FUT8: variants seen among roughly 807,000 people sequenced by gnomAD.
The protein encoded by FUT8 is alpha-(1,6)-fucosyltransferase.
In FUT8, 29 loss-of-function variants were observed where a neutral mutation model predicts 71.3. That is an observed-to-expected ratio of 0.41 (90% CI 0.30 to 0.55). The LOEUF is 0.55. Among genes scored for constraint, FUT8 ranks in the 20% least tolerant of loss-of-function variants. FUT8 has a pLI of 0.34. For synonymous variants in FUT8, 254 were observed against 239.3 expected (o/e 1.06, Z -0.57); for missense variants, 544 against 702.1 (o/e 0.77, Z 2.55).
chr14:65,517,517 C>A (rs1882792591), intron 2 of FUT8, among the ~76,000 whole-genome samples: 1 of 152,118 alleles, frequency 6.6e-6, no homozygotes, highest in Non-Finnish European at 1.5e-5. Flanking sequence ...TGTTTGTTAT[C>A]CTGAGCAGTT....
chr14:65,397,931 T>A, the FUT8 span, among the ~76,000 whole-genome samples: 1 of 152,248 alleles, frequency 6.6e-6, no homozygotes, highest in Admixed American at 6.5e-5. This position sits in a 1 kb window ranked among gnomAD's most constrained non-coding sequence, Gnocchi z 4.2. Flanking sequence ...GGTTTCCTTA[T>A]ATGGCATTTT....
chr14:65,642,417 A>G (rs1890882648), intron 6 of FUT8, among the ~76,000 whole-genome samples: 1 of 152,076 alleles, frequency 6.6e-6, no homozygotes, highest in Non-Finnish European at 1.5e-5. Context: ...AGCCTGGCCA[A>G]CATGGTAAAA....
At chr14:65,613,534 T>C (rs1889118730) in intron 3 of FUT8, among the ~76,000 whole-genome samples, 1 of 152,222 alleles carries the variant, frequency 6.6e-6, no homozygotes, top group Admixed American at 6.5e-5. Context: ...ATTATTCGCT[T>C]TGTGCTTATA....
chr14:65,669,384 A>T lies in FUT8; in HGVS notation c.739A>T (p.Asn247Tyr). Reference sequence around the variant, plus strand: ...GCGAACACTCATCTTGGAATCTCAGAATTGGCGCTATGCTACTGGTGGATG... The same window carrying T: ...GCGAACACTCATCTTGGAATCTCAGTATTGGCGCTATGCTACTGGTGGATG... ...TQRTLILESQ[N>Y]WRYATGGWET... Residue 247 changes from asparagine to tyrosine, a missense_variant, in exon 7 of 11, where the codon AAT becomes TAT. Transcript: ENST00000673929. The surrounding 1 kb of genome is among the most constrained non-coding windows in gnomAD (Gnocchi z 4.5). The T allele has an allele frequency of 6.2e-7, 1 of 1,613,780 alleles. No individual in the cohort carries two copies. The highest frequency in any genetic ancestry group is 8.5e-7 in the Non-Finnish European group (1 of 1,179,848).
intron 2 of FUT8, among the ~76,000 whole-genome samples, chr14:65,525,837 A>T (rs1396844354): frequency 2.0e-5 from 3 of 152,158 alleles, no homozygotes; most frequent in Admixed American, 6.5e-5. Flanking sequence ...GTCATTCAGG[A>T]GCAGGTTGTT....
the FUT8 span, among the ~76,000 whole-genome samples, chr14:65,379,229 C>G: frequency 5.3e-5 from 8 of 152,102 alleles, no homozygotes; most frequent in African/African-American, 1.9e-4. Context: ...TTCAAACATT[C>G]AATAAATATC....
chr14:65,697,109 T>G (rs2140464882), intron 7 of FUT8, among the ~76,000 whole-genome samples: 1 of 152,338 alleles, frequency 6.6e-6, no homozygotes, highest in African/African-American at 2.4e-5. Context: ...TTGTAATGTT[T>G]TTATTGAAAG....
chr14:65,501,943 C>T (rs1454704838), intron 2 of FUT8, among the ~76,000 whole-genome samples: 1 of 151,248 alleles, frequency 6.6e-6, no homozygotes, highest in African/African-American at 2.4e-5. Flanking sequence ...CAGTGTCTTG[C>T]TCTGATGCCC....
chr14:65,554,904 G>C (rs1248265413), intron 2 of FUT8, among the ~76,000 whole-genome samples: 1 of 152,148 alleles, frequency 6.6e-6, no homozygotes, highest in Non-Finnish European at 1.5e-5. Context: ...TTTCTTTGAA[G>C]ATTGTTGAGT....
rs11158606 is a variant in FUT8, at chr14:65,643,432, G to A, written c.597+13826G>A. Reference sequence around the variant, plus strand: ...CACTTTGGGAGGCCGAGGCAGGCGGGTCACGAGGTCAGGAGATCGAGACCA... The same window carrying A: ...CACTTTGGGAGGCCGAGGCAGGCGGATCACGAGGTCAGGAGATCGAGACCA... On this transcript the variant is annotated intron_variant, in intron 6 of 10. Transcript: ENST00000673929. The surrounding 1 kb of genome is among the most constrained non-coding windows in gnomAD (Gnocchi z 4.5). Among the ~76,000 whole-genome samples the A allele has an allele frequency of 0.69, 105,133 of 151,860 alleles. 36,647 individuals carry two copies. Among genetic ancestry groups the A allele is most frequent in the East Asian group, 0.89 (4,578 of 5,166 alleles).
At chr14:65,657,653 A>G (rs1250333329) in intron 6 of FUT8, among the ~76,000 whole-genome samples, 4 of 152,168 alleles carry the variant, frequency 2.6e-5, no homozygotes, top group Admixed American at 2.6e-4. Context: ...GATAGAGACT[A>G]GAATGATGGT....
rs1479537309 is a variant in FUT8, at chr14:65,660,947, C to T, written c.598-8296C>T. 3.3e-5 allele frequency among the ~76,000 whole-genome samples: 5 copies of T among 152,112 alleles called. No homozygotes were observed. The highest frequency in any genetic ancestry group is 5.9e-5 in the Non-Finnish European group (4 of 68,010). On this transcript the variant is annotated intron_variant, in intron 6 of 10. Transcript: ENST00000673929. This position sits in a 1 kb window ranked among gnomAD's most constrained non-coding sequence, Gnocchi z 4.1. ...GCTTTCACTACACTATTAATGAATT[C>T]GTTCTTCATTACCAGCACAAAGCTA...
rs369508512 is a variant in FUT8 at position 65,593,597 on chromosome 14, C to G, written c.204-22381C>G. Among the ~76,000 whole-genome samples the G allele has an allele frequency of 1.3e-4, 19 of 149,308 alleles. 3 individuals carry two copies. The highest frequency in any genetic ancestry group is 4.4e-4 in the African/African-American group (18 of 40,934). Reference sequence around the variant, plus strand: ...TTTTCTTTTCTTTTTTTTTTTGAGACAGAGTTTTGTTCTTTTTGCCCAGGC... The same window carrying G: ...TTTTCTTTTCTTTTTTTTTTTGAGAGAGAGTTTTGTTCTTTTTGCCCAGGC... On this transcript the variant is annotated intron_variant, in intron 3 of 10. Coordinates refer to ENST00000673929, the MANE Select transcript of FUT8 (RefSeq NM_001371533.1).
intron 2 of FUT8, among the ~76,000 whole-genome samples, chr14:65,476,716 G>A (rs2066251141): frequency 6.9e-6 from 1 of 145,324 alleles, no homozygotes; most frequent in African/African-American, 2.6e-5. Flanking sequence ...GAGTACAGTG[G>A]CGCTATCATA....
chr14:65,450,694 T>G (rs2065808403), intron 1 of FUT8, among the ~76,000 whole-genome samples: 1 of 152,152 alleles, frequency 6.6e-6, no homozygotes, highest in Non-Finnish European at 1.5e-5. Flanking sequence ...TTATTGCTGA[T>G]TACTGGATAT....
chr14:65,540,732 G>T (rs1323654934), intron 2 of FUT8, among the ~76,000 whole-genome samples: 1 of 152,226 alleles, frequency 6.6e-6, no homozygotes, highest in Non-Finnish European at 1.5e-5. Flanking sequence ...AGATGGAATG[G>T]TTTATGTACA....
At chr14:65,439,140 C>T (rs1479856284) in intron 1 of FUT8, among the ~76,000 whole-genome samples, 1 of 152,152 alleles carries the variant, frequency 6.6e-6, no homozygotes, top group Non-Finnish European at 1.5e-5. Flanking sequence ...CTCATCCTAT[C>T]CCTACCCTAG....
chr14:65,706,912 G>A (rs957679195), intron 7 of FUT8, among the ~76,000 whole-genome samples: 2 of 152,102 alleles, frequency 1.3e-5, no homozygotes, highest in East Asian at 1.9e-4. Flanking sequence ...AACGGGGCTA[G>A]TTTGTACTGA....
chr14:65,428,034 T>C (rs1272236785), intron 1 of FUT8, among the ~76,000 whole-genome samples: 1 of 152,266 alleles, frequency 6.6e-6, no homozygotes, highest in Non-Finnish European at 1.5e-5. Flanking sequence ...ATCAGGAGAC[T>C]TGGATACTAG....
Sources: allele counts gnomAD v4.1 joint callset (sites outside exome capture counted in the v4.1 genomes callset), GRCh38; gene constraint gnomAD v4.1.1; non-coding constraint Gnocchi (gnomAD v3.1); transcripts MANE v1.5; gene names NCBI Gene and HGNC (gene_info 2026-07-23, HGNC 2026-07-21).